ATF6B: variants seen among roughly 807,000 people sequenced by gnomAD.
ATF6B encodes activating transcription factor 6 beta.
In ATF6B, 50 loss-of-function variants were observed where a neutral mutation model predicts 83.5. The observed-to-expected ratio is 0.60, with a 90% CI of 0.48 to 0.76. The LOEUF is 0.76. ATF6B is among the 30% of genes least tolerant of loss of function. The pLI, the probability that ATF6B is intolerant of heterozygous loss-of-function variation, is 0.00. For missense variants in ATF6B, 790 were observed against 893.8 expected (o/e 0.88, Z 1.48); for synonymous variants, 344 against 362.8 (o/e 0.95, Z 0.59).
rs977793662 is a variant in ATF6B, at chr6:32,125,739, C to G, written c.478+378G>C. 6.6e-6 allele frequency among the ~76,000 whole-genome samples: 1 copy of G among 152,032 alleles called. No homozygotes were observed. Among genetic ancestry groups the G allele is most frequent in the Non-Finnish European group, 1.5e-5 (1 of 68,008 alleles). The stretch of plus-strand genomic sequence containing the variant: ...CCACACCACTGCACTTCAGCCCGAG[C>G]GACAGTGTGAGACTCTGTCTCAACA... On this transcript the variant is annotated intron_variant, in intron 5 of 17. Coordinates refer to ENST00000375203, the MANE Select transcript of ATF6B (RefSeq NM_004381.5). The surrounding 1 kb of genome is among the most constrained non-coding windows in gnomAD (Gnocchi z 4.1).
Position 32,116,469 on chromosome 6 carries a change from GA to G in ATF6B, c.1882+10del. The G allele has an allele frequency of 6.2e-7, 1 of 1,609,012 alleles. No homozygotes were observed. Among genetic ancestry groups the G allele is most frequent in the Non-Finnish European group, 8.5e-7 (1 of 1,176,928 alleles). ...TGGAACTGCCCCCATACCCAGCAGG[GA>G]AAGAGTTACCATTGGGGGCCATGGC... On this transcript the variant is annotated intron_variant, in intron 17 of 17. Transcript: ENST00000375203. The surrounding 1 kb of genome is among the most constrained non-coding windows in gnomAD (Gnocchi z 5.1).
chr6:32,119,305 C>T lies in ATF6B; in HGVS notation c.967-164G>A. On this transcript the variant is annotated intron_variant, in intron 9 of 17. Coordinates refer to ENST00000375203, the MANE Select transcript of ATF6B (RefSeq NM_004381.5). This position sits in a 1 kb window ranked among gnomAD's most constrained non-coding sequence, Gnocchi z 4.9. ...GGTTTTTCCTCTCTACTCAAACACG[C>T]TAGGGAAGGGGCCCTTCTTTCAAAC... is the stretch of plus-strand genomic sequence containing the variant. Among the ~76,000 whole-genome samples, 1 of 152,170 alleles carries T rather than the reference C, an allele frequency of 6.6e-6. No homozygotes were observed. The highest frequency in any genetic ancestry group is 1.5e-5 in the Non-Finnish European group (1 of 68,022).
chr6:32,127,134 G>C lies in ATF6B; in HGVS notation c.311C>G (p.Ser104Ter). Residue 104 changes from serine to a stop codon, truncating the protein, a stop_gained, in exon 4 of 18, where the codon TCA becomes TGA. Transcript: ENST00000375203. LOFTEE classifies it high-confidence loss of function. Reference protein sequence around the residue: ...PCSSSSLSSESSRLSTEPSSE... With the variant: ...PCSSSSLSSE ...GGATGGCTCTGTGGAGAGACGCGAT[G>C]ACTCGGAGCTGAGGGAGGAGGAAGA... 6.2e-7 allele frequency: 1 copy of C among 1,610,756 alleles called. No homozygotes were observed. Among genetic ancestry groups the C allele is most frequent in the African/African-American group, 1.3e-5 (1 of 75,016 alleles).
rs1162167367 is a variant in ATF6B, at chr6:32,116,073, A to G, written c.1883-105T>C. On this transcript the variant is annotated intron_variant, in intron 17 of 17. Coordinates refer to ENST00000375203, the MANE Select transcript of ATF6B (RefSeq NM_004381.5). This position sits in a 1 kb window ranked among gnomAD's most constrained non-coding sequence, Gnocchi z 5.1. ...AGTAGAGGTGAGCAGAGAGAAAAAG[A>G]AAGGGCAATAGTGAGGAGGCAGATC... 3 of 829,850 alleles carry G rather than the reference A, an allele frequency of 3.6e-6. No individual in the cohort carries two copies. The highest frequency in any genetic ancestry group is 5.7e-6 in the Non-Finnish European group (3 of 528,916). 51.4% of individuals were successfully genotyped at this position (829,850 alleles called of 1,614,324 possible).
intron 4 of ATF6B, 46 bp downstream of exon 4, chr6:32,127,057 A>C: frequency 7.0e-7 from 1 of 1,431,648 alleles, no homozygotes; most frequent in East Asian, 2.4e-5. Flanking sequence ...AAGGGAATGA[A>C]GCAGAGTCCC....
In ATF6B at chr6:32,116,776, G is replaced by A. The variant is rs764918512; in HGVS notation, c.1725C>T (p.Asp575=). The A allele has an allele frequency of 6.2e-7, 1 of 1,614,168 alleles. No homozygotes were observed. Among genetic ancestry groups the A allele is most frequent in the Admixed American group, 1.7e-5 (1 of 60,026 alleles). The change falls in exon 16 of 18, where the codon GAC becomes GAT. Residue 575 remains aspartate, a synonymous_variant. Transcript: ENST00000375203. This position sits in a 1 kb window ranked among gnomAD's most constrained non-coding sequence, Gnocchi z 5.1. ...CATCCAAGAATGCTGGCTGCGAACG[G>A]TCTGGGTGGCGATATAGTTGCAGCT... The part of the protein sequence containing the change: ...VGQLQLYRHP[D]RSQPAFLDAI...
At position 32,117,916 on chromosome 6, in the gene ATF6B, C is replaced by G. The variant is rs1251902044; in HGVS notation, c.1367G>C (p.Gly456Ala). Residue 456 changes from glycine to alanine, a missense_variant, in exon 12 of 18, where the codon GGG becomes GCG. Coordinates refer to ENST00000375203, the MANE Select transcript of ATF6B (RefSeq NM_004381.5). The surrounding 1 kb of genome is among the most constrained non-coding windows in gnomAD (Gnocchi z 5.0). Reference protein sequence around the residue: ...EPVQGVEPLQGSSQGPKEPQP... With the variant: ...EPVQGVEPLQASSQGPKEPQP... ...GGGCTCCTTAGGGCCCTGGGAGGACCCCTGGAGAGGTTCAACTCCCTGAAC... is the reference window on the plus strand; with the variant it reads ...GGGCTCCTTAGGGCCCTGGGAGGACGCCTGGAGAGGTTCAACTCCCTGAAC... The G allele has an allele frequency of 6.2e-7, 1 of 1,605,140 alleles. No homozygotes were observed. Among genetic ancestry groups the G allele is most frequent in the African/African-American group, 1.3e-5 (1 of 74,754 alleles).
Position 32,117,973 on chromosome 6 carries a change from C to A in ATF6B, c.1310G>T (p.Arg437Ile). ...TTGCTCTGAGAACCCCAGCAAGTGT[C>A]TCCGGGGTTGAGGCTCCCCCTTGTT... ...RMNKGEPQPR[R>I]HLLGFSEQEP... is the part of the protein sequence containing the mutation. The change falls in exon 12 of 18, where the codon AGA (arginine) becomes ATA (isoleucine). Residue 437 changes from arginine to isoleucine, a missense_variant. Arg to Ile is a moderately conservative substitution (Grantham distance 97, BLOSUM62 -3). This residue lies in a region of ATF6B where 530 missense variants were observed against 632.6 expected (regional missense o/e 0.84). Coordinates refer to ENST00000375203, the MANE Select transcript of ATF6B (RefSeq NM_004381.5). The surrounding 1 kb of genome is among the most constrained non-coding windows in gnomAD (Gnocchi z 5.0). 1 of 1,613,944 alleles carries A rather than the reference C, an allele frequency of 6.2e-7. No individual in the cohort carries two copies. Among genetic ancestry groups the A allele is most frequent in the Non-Finnish European group, 8.5e-7 (1 of 1,179,950 alleles).
Position 32,121,265 on chromosome 6 carries a change from GGCT to G in ATF6B, c.559_561del (p.Ser187del). 2.5e-6 allele frequency: 4 copies of G among 1,613,984 alleles called. No homozygotes were observed. The highest frequency in any genetic ancestry group is 3.4e-6 in the Non-Finnish European group (4 of 1,179,928). On this transcript the variant is annotated inframe_deletion, in exon 6 of 18. Coordinates refer to ENST00000375203, the MANE Select transcript of ATF6B (RefSeq NM_004381.5). ...GAAGGAAGGAAGGTGGTGCTCACCT[GGCT>G]GGAGGAGTCGGCTGAGAGCAGGGAG...
Position 32,128,163 on chromosome 6 carries a change from A to T in ATF6B, c.45T>A (p.Arg15=). 1 of 1,612,678 alleles carries T rather than the reference A, an allele frequency of 6.2e-7. No individual in the cohort carries two copies. Among genetic ancestry groups the T allele is most frequent in the Non-Finnish European group, 8.5e-7 (1 of 1,179,790 alleles). The stretch of plus-strand genomic sequence containing the variant: ...GGCTAAGCAGGTTGTCGGTGAAGAA[A>T]CGCGTCGGGTCAGCAATCTCGCTGA... ...MLLSEIADPT[R]FFTDNLLSPE... The change falls in exon 1 of 18, where the codon CGT becomes CGA. Residue 15 remains arginine (R), a synonymous_variant. Transcript: ENST00000375203.
At chr6:32,120,473 C>G (rs1026306709) in intron 8 of ATF6B, 66 of 142,642 alleles carry the variant, frequency 4.6e-4, no homozygotes, top group Admixed American at 3.6e-3. Flanking sequence ...TTTTTTGAGA[C>G]AAAGTCTCGC....
chr6:32,118,725 G>A lies in ATF6B; in HGVS notation c.1244+50C>T. On this transcript the variant is annotated intron_variant, in intron 11 of 17. Coordinates refer to ENST00000375203, the MANE Select transcript of ATF6B (RefSeq NM_004381.5). The surrounding 1 kb of genome is among the most constrained non-coding windows in gnomAD (Gnocchi z 5.2). ...GGCCAAAGCAGGCAGCTAGGAGGCTGTAACGTGGGCTCCACCTGGAAGGTT... is the reference window on the plus strand; with the variant it reads ...GGCCAAAGCAGGCAGCTAGGAGGCTATAACGTGGGCTCCACCTGGAAGGTT... 1 of 1,579,052 alleles carries A rather than the reference G, an allele frequency of 6.3e-7. No homozygotes were observed. The highest frequency in any genetic ancestry group is 2.2e-5 in the East Asian group (1 of 44,686).
In ATF6B at chr6:32,117,477, T is replaced by C; in HGVS notation, c.1533-73A>G. On this transcript the variant is annotated intron_variant, in intron 13 of 17. Transcript: ENST00000375203. The surrounding 1 kb of genome is among the most constrained non-coding windows in gnomAD (Gnocchi z 5.0). The stretch of plus-strand genomic sequence containing the variant: ...CACCCTCCTTGCCCACCCACAGGAG[T>C]GAGGAGAGGGCAGGGAGCACTGGCG... 2 of 1,590,950 alleles carry C rather than the reference T, an allele frequency of 1.3e-6. No individual in the cohort carries two copies. Among genetic ancestry groups the C allele is most frequent in the Non-Finnish European group, 8.6e-7 (1 of 1,163,720 alleles).
In ATF6B at chr6:32,118,078, G is replaced by A. The variant is rs974439251; in HGVS notation, c.1245-40C>T. The A allele has an allele frequency of 3.1e-6, 5 of 1,611,480 alleles. No homozygotes were observed. In the African/African-American group the frequency reaches 4.0e-5, roughly 13 times the overall value. The stretch of plus-strand genomic sequence containing the variant: ...GGACTGAGCACAATGAAGAATTTCA[G>A]CTGTATCAAGTATCTAGGTAAGAAT... On this transcript the variant is annotated intron_variant, in intron 11 of 17. Transcript: ENST00000375203. The surrounding 1 kb of genome is among the most constrained non-coding windows in gnomAD (Gnocchi z 5.2).
In ATF6B at chr6:32,127,678, T is replaced by A. The variant is rs746985418; in HGVS notation, c.164A>T (p.Asp55Val). The change falls in exon 2 of 18, where the codon GAT (aspartate) becomes GTT (valine). Residue 55 changes from aspartate to valine, a missense_variant. Asp to Val is a radical substitution (Grantham distance 152). Transcript: ENST00000375203. ...AGGCTGGGGACACAATACCGGGACA[T>A]CCTGCTCCGGGCAACGGAAGAGCTG... ...QTQLFRCPEQ[D>V]VPFDGSSLDV... 4.3e-6 allele frequency: 7 copies of A among 1,614,186 alleles called. No homozygotes were observed. In the Admixed American group the frequency reaches 1.2e-4, roughly 27 times the overall value.
rs557433599 is a variant in ATF6B at position 32,127,371 on chromosome 6, C to T, written c.250+71G>A. ...AGAAGCGTGAGGATATAGGAAGCTA[C>T]GTAGTTTCTGGGAAACAGTGGGAAG... On this transcript the variant is annotated intron_variant, in intron 3 of 17. Transcript: ENST00000375203. 5.3e-6 allele frequency: 8 copies of T among 1,517,272 alleles called. No individual in the cohort carries two copies. In the South Asian group the frequency reaches 7.2e-5, roughly 14 times the overall value. The allele number at this position is 1,517,272 out of a possible 1,614,324, so 94.0% of individuals were successfully genotyped here.
At position 32,127,513 on chromosome 6, in the gene ATF6B, C is replaced by G; in HGVS notation, c.179G>C (p.Gly60Ala). ...ATCCATCCCCACGTCCAGGGAGCTG[C>G]CGTCAAACTAAATAAGGGAGGATAC... ...RCPEQDVPFD[G>A]SSLDVGMDVS... Residue 60 changes from glycine (G) to alanine (A), a missense_variant, in exon 3 of 18, where the codon GGC becomes GCC. Coordinates refer to ENST00000375203, the MANE Select transcript of ATF6B (RefSeq NM_004381.5). The G allele has an allele frequency of 1.2e-6, 2 of 1,613,298 alleles. No homozygotes were observed. Among genetic ancestry groups the G allele is most frequent in the Non-Finnish European group, 1.7e-6 (2 of 1,179,522 alleles).
At chr6:32,124,229 C>A (rs147032980) in intron 5 of ATF6B, among the ~76,000 whole-genome samples, 1 of 152,186 alleles carries the variant, frequency 6.6e-6, no homozygotes, top group Non-Finnish European at 1.5e-5. Context: ...ATCAACATGT[C>A]CAACGCTGAA....
Position 32,118,720 on chromosome 6 carries a change from A to AGGCTGTAACGTG in ATF6B, c.1244+43_1244+54dup. On this transcript the variant is annotated intron_variant, in intron 11 of 17. Transcript: ENST00000375203. This position sits in a 1 kb window ranked among gnomAD's most constrained non-coding sequence, Gnocchi z 5.2. ...GCCTGGGCCAAAGCAGGCAGCTAGG[A>AGGCTGTAACGTG]GGCTGTAACGTGGGCTCCACCTGGA... 1 of 1,558,324 alleles carries AGGCTGTAACGTG rather than the reference A, an allele frequency of 6.4e-7. No individual in the cohort carries two copies. Among genetic ancestry groups the AGGCTGTAACGTG allele is most frequent in the South Asian group, 1.1e-5 (1 of 89,650 alleles).
Sources: gnomAD v4.1 joint callset for allele counts (sites outside exome capture counted in the v4.1 genomes callset) on GRCh38, gnomAD v4.1.1 for gene constraint, gnomAD v4.1.1 regional missense constraint, Gnocchi (gnomAD v3.1) non-coding constraint, MANE v1.5 for transcripts, NCBI Gene and HGNC (gene_info 2026-07-23, HGNC 2026-07-21) for gene names.